Variants in ADAP1 observed in about 807,000 individuals in gnomAD.
ADAP1 encodes arf-GAP with dual PH domain-containing protein 1.
In ADAP1, 31 loss-of-function variants were observed where a neutral mutation model predicts 54.9. The ratio of observed to expected loss-of-function variants is 0.56; its 90% CI spans 0.42 to 0.76. The LOEUF (loss-of-function observed/expected upper bound fraction) is 0.76, where lower values mean the gene tolerates loss of function less well. Ranked by LOEUF, ADAP1 falls within the 30% of genes least tolerant of loss-of-function variation. The probability of loss-of-function intolerance (pLI) is 0.00; values close to 1 mark genes in which losing one functional copy is unlikely to be tolerated. For missense variants in ADAP1, 535 were observed against 512.4 expected (o/e 1.04, Z -0.42); for synonymous variants, 313 against 202.6 (o/e 1.55, Z -4.63).
rs921961709 is a variant in ADAP1 at position 926,151 on chromosome 7, C to G, written c.305+402G>C. Among the ~76,000 whole-genome samples the G allele has an allele frequency of 6.6e-6, 1 of 152,056 alleles. No individual in the cohort carries two copies. Among genetic ancestry groups the G allele is most frequent in the Non-Finnish European group, 1.5e-5 (1 of 67,962 alleles). On this transcript the variant is annotated intron_variant, in intron 3 of 10. Coordinates refer to ENST00000265846, the MANE Select transcript of ADAP1 (RefSeq NM_006869.4). This position sits in a 1 kb window ranked among gnomAD's most constrained non-coding sequence, Gnocchi z 4.6. The stretch of plus-strand genomic sequence containing the variant: ...GGACTGGGTCTCAGGCTTCCCCAAC[C>G]GGCCACCGGTACCCACGTCCGCTCC...
intron 6 of ADAP1, among the ~76,000 whole-genome samples, chr7:901,790 C>T (rs1325155339): frequency 6.6e-6 from 1 of 151,288 alleles, no homozygotes; most frequent in East Asian, 1.9e-4. Flanking sequence ...CTCCGGCCCG[C>T]CCCGTCCCAT....
rs1325235176 is a variant in ADAP1, at chr7:898,795, CG to C, written c.*125del. Reference sequence around the variant, plus strand: ...AGCTGAAGCTCGGGCCCTACCTGGCCGCGCCGGGCTGCCCTGAGGAGCAGGT... The same window carrying C: ...AGCTGAAGCTCGGGCCCTACCTGGCCCGCCGGGCTGCCCTGAGGAGCAGGT... On this transcript the variant is annotated 3_prime_UTR_variant, in exon 11 of 11. Transcript: ENST00000265846. 3.0e-6 allele frequency: 4 copies of C among 1,345,326 alleles called. No individual in the cohort carries two copies. In the African/African-American group the frequency reaches 5.8e-5, roughly 20 times the overall value. 83.3% of individuals were successfully genotyped at this position (1,345,326 alleles called of 1,614,324 possible).
At chr7:900,680 G>GGGCTGGGGTCCCCACAGAGA in intron 6 of ADAP1, 64 bp from the exon 7 acceptor site, 1 of 1,430,410 alleles carries the variant, frequency 7.0e-7, no homozygotes, top group South Asian at 1.2e-5. Context: ...CCCCACAGAG[G>GGGCTGGGGTCCCCACAGAGA]GGCTGGGGTC....
chr7:914,306 T>C (rs2128102188), intron 4 of ADAP1, among the ~76,000 whole-genome samples: 1 of 152,300 alleles, frequency 6.6e-6, no homozygotes, highest in East Asian at 1.9e-4. Context: ...TCCCGGGCCC[T>C]GCCGCAGGGA....
At position 930,940 on chromosome 7, in the gene ADAP1, A is replaced by G. The variant is rs1356025646; in HGVS notation, c.214-4296T>C. Among the ~76,000 whole-genome samples the G allele has an allele frequency of 2.7e-5, 4 of 149,732 alleles. No homozygotes were observed. The East Asian group carries it at 6.0e-4, about 22-fold the overall frequency. On this transcript the variant is annotated intron_variant, in intron 2 of 10. Transcript: ENST00000265846. ...GGCTTTAGTGAGCTATGATAGTGCC[A>G]CTGCATTCCAGCCTGGGCGACAGAG...
chr7:955,327 C>T, upstream of ADAP1: 1 of 1,550,312 alleles, frequency 6.5e-7, no homozygotes, highest in African/African-American at 1.4e-5. Flanking sequence ...CCTCTGCACA[C>T]CCCAGCATCT....
upstream of ADAP1, chr7:954,817 T>A: frequency 1.5e-6 from 1 of 666,242 alleles, no homozygotes; most frequent in Non-Finnish European, 1.8e-6. Context: ...GGGGACCCGC[T>A]GGGAAATCGC....
At chr7:948,464 C>T (rs188114753) in intron 1 of ADAP1, among the ~76,000 whole-genome samples, 1 of 152,152 alleles carries the variant, frequency 6.6e-6, no homozygotes, top group Admixed American at 6.5e-5. Flanking sequence ...CCTTCCCCTG[C>T]ATGCCAGGCC....
chr7:936,984 C>T (rs926670617), intron 1 of ADAP1, among the ~76,000 whole-genome samples: 1 of 152,124 alleles, frequency 6.6e-6, no homozygotes. Context: ...GAGTCACTGC[C>T]AGGAGGAGAG....
At chr7:955,220 G>T, upstream of ADAP1, 2 of 1,368,346 alleles carry the variant, frequency 1.5e-6, no homozygotes, top group Non-Finnish European at 2.0e-6. Context: ...CTCCCACTCA[G>T]GCAGGCTGAG....
At chr7:899,367 A>G (rs1244586874) in intron 9 of ADAP1, 52 bp downstream of exon 9, 2 of 1,608,720 alleles carry the variant, frequency 1.2e-6, no homozygotes, top group Non-Finnish European at 1.7e-6. Context: ...CGCATCTGGC[A>G]ACCCCAGCCA....
chr7:903,703 C>T (rs538256236), intron 6 of ADAP1, among the ~76,000 whole-genome samples: 13 of 152,086 alleles, frequency 8.5e-5, no homozygotes, highest in Non-Finnish European at 1.9e-4. Context: ...GAACCCTACC[C>T]AAACCACCCC....
intron 4 of ADAP1, among the ~76,000 whole-genome samples, chr7:916,741 G>A (rs925900563): frequency 1.3e-5 from 2 of 152,182 alleles, no homozygotes; most frequent in East Asian, 3.9e-4. Context: ...GGCTGGCTGT[G>A]TGCCAAGTGG....
In ADAP1 at chr7:920,638, A is replaced by G; in HGVS notation, c.306-588T>C. ...CGGGGCATCAGGAGAAACTACCGGC[A>G]AATACCCAAGAATCCAGGAAGACCC... On this transcript the variant is annotated intron_variant, in intron 3 of 10. Transcript: ENST00000265846. The surrounding 1 kb of genome is among the most constrained non-coding windows in gnomAD (Gnocchi z 4.5). 1 of 692,318 alleles carries G rather than the reference A, an allele frequency of 1.4e-6. No individual in the cohort carries two copies. The allele number at this position is 692,318 out of a possible 1,614,324, so 42.9% of individuals were successfully genotyped here.
At chr7:907,793 T>C (rs1371778984) in intron 4 of ADAP1, among the ~76,000 whole-genome samples, 1 of 152,148 alleles carries the variant, frequency 6.6e-6, no homozygotes, top group East Asian at 1.9e-4. Context: ...AGCAGCTGCG[T>C]GGCCAGGGTC....
At chr7:936,639 G>A (rs1846768408) in intron 1 of ADAP1, among the ~76,000 whole-genome samples, 1 of 152,252 alleles carries the variant, frequency 6.6e-6, no homozygotes, top group Non-Finnish European at 1.5e-5. Flanking sequence ...GGCTCCCAAC[G>A]ACCCTTCACA....
chr7:908,985 T>A (rs990117739), intron 4 of ADAP1, among the ~76,000 whole-genome samples: 1 of 151,760 alleles, frequency 6.6e-6, no homozygotes, highest in Non-Finnish European at 1.5e-5. Context: ...GACGCGCCCC[T>A]GCCATGCCCG....
chr7:943,148 G>A (rs1298918692), intron 1 of ADAP1, among the ~76,000 whole-genome samples: 1 of 63,620 alleles, frequency 1.6e-5, no homozygotes. Flanking sequence ...GAGAGTAGGA[G>A]GAAGAGAGGA....
At chr7:912,210 G>A (rs1044793583) in intron 4 of ADAP1, among the ~76,000 whole-genome samples, 1 of 152,208 alleles carries the variant, frequency 6.6e-6, no homozygotes, top group African/African-American at 2.4e-5. Flanking sequence ...TCCGACAGGA[G>A]CACGGGGTCC....
Sources: allele counts gnomAD v4.1 joint callset (sites outside exome capture counted in the v4.1 genomes callset), GRCh38; gene constraint gnomAD v4.1.1; non-coding constraint Gnocchi (gnomAD v3.1); transcripts MANE v1.5; gene names NCBI Gene and HGNC (gene_info 2026-07-23, HGNC 2026-07-21).